The following FIRRM variants were observed in gnomAD, a reference collection of about 807,000 sequenced individuals.
FIRRM encodes the protein FIGNL1-interacting regulator of recombination and mitosis.
At chr1:169,827,573 G>A in the FIRRM span, 14 of 893,734 alleles carry the variant, frequency 1.6e-5, no homozygotes, top group South Asian at 7.5e-5. Flanking sequence ...AGACGGTGGA[G>A]GTTGCAGTGA....
the FIRRM span, chr1:169,784,848 T>G: frequency 6.6e-6 from 1 of 152,198 alleles, no homozygotes; most frequent in Non-Finnish European, 1.5e-5. Context: ...AGAGTAAACT[T>G]TCTTATAAGT....
the FIRRM span, chr1:169,792,960 C>T: frequency 6.2e-7 from 1 of 1,613,838 alleles, no homozygotes; most frequent in Admixed American, 1.7e-5. Context: ...ACATCTGGCT[C>T]ATTTACATCA....
At chr1:169,808,088 T>C in the FIRRM span, among the ~76,000 whole-genome samples, 1 of 152,184 alleles carries the variant, frequency 6.6e-6, no homozygotes, top group African/African-American at 2.4e-5. Context: ...TATCCCATAA[T>C]TACTTTTCAC....
chr1:169,806,316 G>C, the FIRRM span, among the ~76,000 whole-genome samples: 2 of 152,186 alleles, frequency 1.3e-5, no homozygotes, highest in Admixed American at 1.3e-4. Context: ...TAGTTAGCTA[G>C]TACTTCAGAA....
the FIRRM span, among the ~76,000 whole-genome samples, chr1:169,846,271 T>TA: frequency 1.3e-5 from 2 of 152,166 alleles, no homozygotes; most frequent in Admixed American, 6.5e-5. Flanking sequence ...GTTCCATTGA[T>TA]AGAGTACATG....
chr1:169,843,707 A>C, the FIRRM span: 4 of 1,613,110 alleles, frequency 2.5e-6, no homozygotes, highest in Non-Finnish European at 3.4e-6. Context: ...ACAGACATTC[A>C]GCCTTTTACT....
At chr1:169,811,091 A>G in the FIRRM span, among the ~76,000 whole-genome samples, 1 of 150,082 alleles carries the variant, frequency 6.7e-6, no homozygotes, top group African/African-American at 2.5e-5. Context: ...CGATCTCCTG[A>G]CCTCATGATC....
At chr1:169,825,078 C>A in the FIRRM span, among the ~76,000 whole-genome samples, 3 of 152,204 alleles carry the variant, frequency 2.0e-5, no homozygotes, top group Admixed American at 6.5e-5. Context: ...GTCAATGTTA[C>A]CTTCAGTGCA....
chr1:169,810,382 A>C, the FIRRM span, among the ~76,000 whole-genome samples: 1 of 152,212 alleles, frequency 6.6e-6, no homozygotes, highest in Non-Finnish European at 1.5e-5. Flanking sequence ...GGCTTAAAAC[A>C]ATAGAATTTT....
At chr1:169,796,180 T>C in the FIRRM span, among the ~76,000 whole-genome samples, 1 of 152,226 alleles carries the variant, frequency 6.6e-6, no homozygotes, top group African/African-American at 2.4e-5. Flanking sequence ...CAAAGCCCCC[T>C]TTTTTAGTTT....
chr1:169,792,468 TA>T, the FIRRM span: 1 of 1,068,040 alleles, frequency 9.4e-7, no homozygotes, highest in Non-Finnish European at 1.3e-6. Context: ...TAAACAAAAC[TA>T]AACAAACAAC....
the FIRRM span, among the ~76,000 whole-genome samples, chr1:169,790,938 G>T: frequency 6.6e-6 from 1 of 152,184 alleles, no homozygotes; most frequent in Non-Finnish European, 1.5e-5. Context: ...GCAGGGGAGT[G>T]GTTTCAGGAT....
the FIRRM span, chr1:169,836,892 C>T: frequency 6.5e-7 from 1 of 1,540,612 alleles, no homozygotes; most frequent in Non-Finnish European, 8.8e-7. Context: ...TGACTTGTCT[C>T]ATGTTACTCT....
chr1:169,803,108 C>CG, the FIRRM span: 280 of 1,510,028 alleles, frequency 1.9e-4, 2 homozygotes, highest in South Asian at 3.2e-3. Context: ...AGCATGCTGA[C>CG]TAATACCTTT....
chr1:169,831,549 A>G, the FIRRM span, among the ~76,000 whole-genome samples: 9,923 of 152,308 alleles, frequency 0.065, 429 homozygotes, highest in Non-Finnish European at 0.099. Flanking sequence ...TAAATCCTTA[A>G]CATATCTTTC....
the FIRRM span, among the ~76,000 whole-genome samples, chr1:169,812,382 A>G: frequency 1.3e-5 from 2 of 152,178 alleles, no homozygotes; most frequent in African/African-American, 4.8e-5. Context: ...ATAGAATGGT[A>G]TGATCTTTGG....
chr1:169,789,455 G>C, the FIRRM span, among the ~76,000 whole-genome samples: 2 of 152,224 alleles, frequency 1.3e-5, no homozygotes, highest in Non-Finnish European at 2.9e-5. Flanking sequence ...TCAGCACAGA[G>C]ACATTTCCAT....
chr1:169,844,348 C>T, the FIRRM span, among the ~76,000 whole-genome samples: 9 of 152,122 alleles, frequency 5.9e-5, no homozygotes, highest in Non-Finnish European at 1.2e-4. Context: ...AGCCCTTCAG[C>T]TAAACTGAAG....
the FIRRM span, among the ~76,000 whole-genome samples, chr1:169,784,537 TTTTG>T: frequency 1.3e-5 from 2 of 152,202 alleles, no homozygotes; most frequent in Non-Finnish European, 2.9e-5. Context: ...TTCCATCCAA[TTTTG>T]TTTGTCTGTT....
Sources: gnomAD v4.1 joint callset for allele counts (sites outside exome capture counted in the v4.1 genomes callset) on GRCh38, gnomAD v4.1.1 for gene constraint, MANE v1.5 for transcripts, NCBI Gene and HGNC (gene_info 2026-07-23, HGNC 2026-07-21) for gene names.